The following EIF3E variants were observed in gnomAD, a reference collection of about 807,000 sequenced individuals.
EIF3E encodes the protein eIF-3 p48.
In EIF3E, 25 loss-of-function variants were observed where a neutral mutation model predicts 59.3. That is an observed-to-expected ratio of 0.42 (90% CI 0.31 to 0.59). EIF3E has a LOEUF of 0.59. Among genes scored for constraint, EIF3E ranks in the 20% least tolerant of loss-of-function variants. The pLI, the probability that EIF3E is intolerant of heterozygous loss-of-function variation, is 0.15. For missense variants in EIF3E, 317 were observed against 534.3 expected (o/e 0.59, Z 4.01); for synonymous variants, 176 against 170.2 (o/e 1.03, Z -0.26).
chr8:108,236,909 C>G (rs931657000), intron 3 of EIF3E, among the ~76,000 whole-genome samples: 2 of 151,954 alleles, frequency 1.3e-5, no homozygotes, highest in Non-Finnish European at 2.9e-5. Context: ...GTAATCCCAG[C>G]TACTTGGGAG....
At chr8:108,241,935 T>G (rs755657673) in intron 1 of EIF3E, 22 bp from the exon 2 acceptor site, 3 of 1,475,778 alleles carry the variant, frequency 2.0e-6, no homozygotes, top group Non-Finnish European at 2.8e-6. Context: ...GATAACTTTC[T>G]AATGAATATA....
intron 7 of EIF3E, among the ~76,000 whole-genome samples, chr8:108,219,209 C>G (rs1586197628): frequency 6.6e-6 from 1 of 152,116 alleles, no homozygotes; most frequent in East Asian, 1.9e-4. Flanking sequence ...TTTTACTTAT[C>G]CTGAGTTTAT....
intron 10 of EIF3E, among the ~76,000 whole-genome samples, chr8:108,209,978 C>T (rs1297141837): frequency 2.0e-5 from 3 of 151,634 alleles, no homozygotes; most frequent in Non-Finnish European, 4.4e-5. Flanking sequence ...GAGTAAAGGA[C>T]ATAGGGGGTC....
In EIF3E at chr8:108,201,783, C is replaced by T. The variant is rs1471590282; in HGVS notation, c.*102G>A. ...TTATTCCAATTCTTCAAAATTTATA[C>T]GTAATATGTTGTTTCCAAAATGTAA... On this transcript the variant is annotated 3_prime_UTR_variant, in exon 13 of 13. Transcript: ENST00000220849. 38 of 943,080 alleles carry T rather than the reference C, an allele frequency of 4.0e-5. No individual in the cohort carries two copies. The highest frequency in any genetic ancestry group is 2.0e-4 in the Admixed American group (5 of 25,358). The allele number at this position is 943,080 out of a possible 1,614,324, so 58.4% of individuals were successfully genotyped here.
At position 108,228,407 on chromosome 8, in the gene EIF3E, A is replaced by G; in HGVS notation, c.598-16T>C. The G allele has an allele frequency of 6.8e-7, 1 of 1,469,072 alleles. No individual in the cohort carries two copies. Among genetic ancestry groups the G allele is most frequent in the Non-Finnish European group, 9.0e-7 (1 of 1,109,762 alleles). The allele number at this position is 1,469,072 out of a possible 1,614,324, so 91.0% of individuals were successfully genotyped here. A position where few individuals can be genotyped will look rare whatever the true frequency, so the allele number is the denominator to read the frequency against. ...AACTCACAGACTAAAGGATTTAAAAATATATACATAAAAAATATTAATATA... is the reference window on the plus strand; with the variant it reads ...AACTCACAGACTAAAGGATTTAAAAGTATATACATAAAAAATATTAATATA... On this transcript the variant is annotated splice_polypyrimidine_tract_variant and intron_variant, in intron 6 of 12. Coordinates refer to ENST00000220849, the MANE Select transcript of EIF3E (RefSeq NM_001568.3).
chr8:108,225,956 T>C (rs1362178049), intron 7 of EIF3E, among the ~76,000 whole-genome samples: 3 of 152,210 alleles, frequency 2.0e-5, no homozygotes, highest in Admixed American at 6.5e-5. Context: ...AAATTTTTAA[T>C]TTGTTTTGAT....
At chr8:108,205,276 T>C (rs1190288922) in intron 10 of EIF3E, among the ~76,000 whole-genome samples, 1 of 152,164 alleles carries the variant, frequency 6.6e-6, no homozygotes, top group African/African-American at 2.4e-5. Context: ...CACCGTATCT[T>C]CCTCATTCAC....
chr8:108,202,318 C>T, intron 12 of EIF3E, among the ~76,000 whole-genome samples: 1 of 152,196 alleles, frequency 6.6e-6, no homozygotes, highest in South Asian at 2.1e-4. Context: ...AAGGATTATT[C>T]TGCGGACACA....
intron 9 of EIF3E, among the ~76,000 whole-genome samples, chr8:108,215,860 A>G (rs1453956712): frequency 6.6e-6 from 1 of 152,166 alleles, no homozygotes; most frequent in South Asian, 2.1e-4. Flanking sequence ...TAAGTCTTCC[A>G]TTTGCTCTAA....
Position 108,201,933 on chromosome 8 carries a change from GC to G in EIF3E, c.1300-11del. The G allele has an allele frequency of 6.4e-7, 1 of 1,563,798 alleles. No homozygotes were observed. On this transcript the variant is annotated splice_polypyrimidine_tract_variant and intron_variant, in intron 12 of 12. Coordinates refer to ENST00000220849, the MANE Select transcript of EIF3E (RefSeq NM_001568.3). The stretch of plus-strand genomic sequence containing the variant: ...TTGCCCAGTTAGGAGCCTAAAATAT[GC>G]AAAAAGAAATCAACACCGTGAAAAG...
At chr8:108,229,223 T>C (rs1815576619) in intron 5 of EIF3E, 28 bp from the exon 6 acceptor site, 3 of 1,606,078 alleles carry the variant, frequency 1.9e-6, no homozygotes, top group Middle Eastern at 1.7e-4. Flanking sequence ...ATTAATTATA[T>C]TGTGAATACT....
chr8:108,248,656 C>A lies in EIF3E; in HGVS notation c.47G>T (p.Arg16Leu). Residue 16 changes from arginine to leucine, a missense_variant, in exon 1 of 13, where the codon CGG (arginine) becomes CTG (leucine). Transcript: ENST00000220849. ...LTTRIAHFLD[R>L]HLVFPLLEFL... The stretch of plus-strand genomic sequence containing the variant: ...TTCAAGAAGCGGAAAGACTAGATGC[C>A]GATCCAAAAAGTGCGCGATGCGAGT... The A allele has an allele frequency of 6.2e-7, 1 of 1,614,164 alleles. No homozygotes were observed. Among genetic ancestry groups the A allele is most frequent in the Non-Finnish European group, 8.5e-7 (1 of 1,180,008 alleles).
chr8:108,235,652 G>A (rs1348223471), intron 4 of EIF3E, among the ~76,000 whole-genome samples: 2 of 152,190 alleles, frequency 1.3e-5, no homozygotes, highest in Non-Finnish European at 2.9e-5. Flanking sequence ...ATAAGATTGA[G>A]TGACGGTTAG....
chr8:108,242,986 C>T (rs1328467521), intron 1 of EIF3E, among the ~76,000 whole-genome samples: 1 of 152,100 alleles, frequency 6.6e-6, no homozygotes, highest in Non-Finnish European at 1.5e-5. Flanking sequence ...GCAATTGTTT[C>T]GAGGCATCCA....
Position 108,242,701 on chromosome 8 carries a change from T to TGAGTAAGAC in EIF3E, c.91-797_91-789dup, listed in dbSNP as rs1815861416. On this transcript the variant is annotated intron_variant, in intron 1 of 12. Transcript: ENST00000220849. Reference sequence around the variant, plus strand: ...AAATTACATGCAGAACTCCTATAAATGAGTAAGACAAGACAGACCTTGCAA... The same window carrying TGAGTAAGAC: ...AAATTACATGCAGAACTCCTATAAATGAGTAAGACGAGTAAGACAAGACAGACCTTGCAA... The TGAGTAAGAC allele has an allele frequency of 5.4e-6, 6 of 1,101,644 alleles. No homozygotes were observed. The South Asian group carries it at 1.5e-4, about 27-fold the overall frequency. The allele number at this position is 1,101,644 out of a possible 1,614,324, so 68.2% of individuals were successfully genotyped here.
chr8:108,202,993 C>A lies in EIF3E; in HGVS notation c.1289G>T (p.Ser430Ile). Residue 430 changes from serine (S) to isoleucine (I), a missense_variant, in exon 12 of 13, where the codon AGC becomes ATC. Physicochemically the swap from Ser to Ile is moderately radical, Grantham distance 142 (BLOSUM62 -2). Around this residue, in one of 4 missense-constraint regions of EIF3E, gnomAD observed 45 missense variants for 97.8 expected, o/e 0.46. Transcript: ENST00000220849. ...ATGTGTGGTTCTTACCTCTGACCTG[C>A]TATTCTGATTAAGTTTCTTCTCAAT... is the stretch of plus-strand genomic sequence containing the variant. ...MNIEKKLNQN[S>I]RSEAPNWATQ... 1 of 1,611,972 alleles carries A rather than the reference C, an allele frequency of 6.2e-7. No individual in the cohort carries two copies. Among genetic ancestry groups the A allele is most frequent in the Non-Finnish European group, 8.5e-7 (1 of 1,178,762 alleles).
intron 5 of EIF3E, among the ~76,000 whole-genome samples, chr8:108,229,671 C>T (rs764558951): frequency 2.3e-4 from 35 of 151,998 alleles, no homozygotes; most frequent in African/African-American, 3.4e-4. Context: ...GAAGTCAGTA[C>T]GGAGAGAGGG....
At chr8:108,242,281 T>G in intron 1 of EIF3E, 1 of 1,291,306 alleles carries the variant, frequency 7.7e-7, no homozygotes, top group South Asian at 1.2e-5. Flanking sequence ...TAGCTGTCAC[T>G]TCTCCACATC....
chr8:108,240,439 A>G (rs886913655), intron 2 of EIF3E, among the ~76,000 whole-genome samples: 1 of 152,182 alleles, frequency 6.6e-6, no homozygotes, highest in Non-Finnish European at 1.5e-5. Context: ...ATTTGTTCTC[A>G]TTTAATTTTC....
Sources: gnomAD v4.1 joint callset for allele counts (sites outside exome capture counted in the v4.1 genomes callset) on GRCh38, gnomAD v4.1.1 for gene constraint, gnomAD v4.1.1 regional missense constraint, MANE v1.5 for transcripts, NCBI Gene and HGNC (gene_info 2026-07-23, HGNC 2026-07-21) for gene names.